The following FBN1 variants were observed in gnomAD, a reference collection of about 807,000 sequenced individuals.
FBN1 encodes the protein fibrillin 1.
In FBN1, 29 loss-of-function variants were observed where a neutral mutation model predicts 365.1. The ratio of observed to expected loss-of-function variants is 0.08; its 90% CI spans 0.06 to 0.11. The LOEUF is 0.11. Among genes scored for constraint, FBN1 ranks in the 10% least tolerant of loss-of-function variants. The pLI, the probability that FBN1 is intolerant of heterozygous loss-of-function variation, is 1.00. For synonymous variants in FBN1, 1,210 were observed against 1,270.5 expected (o/e 0.95, Z 1.01); for missense variants, 2,476 against 3,703.2 (o/e 0.67, Z 8.60).
chr15:48,484,173 C>A (rs574279869), intron 30 of FBN1, among the ~76,000 whole-genome samples: 1 of 152,214 alleles, frequency 6.6e-6, no homozygotes, highest in South Asian at 2.1e-4. Flanking sequence ...ACGTCCACAC[C>A]TGCTTAAAAG....
chr15:48,529,418 T>C (rs2043947778), intron 8 of FBN1: 1 of 152,334 alleles, frequency 6.6e-6, no homozygotes, highest in African/African-American at 2.4e-5. Flanking sequence ...ATTCTTCCCA[T>C]GCCTAAGCCC....
chr15:48,474,630 C>T lies in FBN1; in HGVS notation c.3985G>A (p.Gly1329Arg). ...GCATGTTTGCCACAGTTGTGTGCTC[C>T]AATTTCACATTCATTGATGTCTGGA... ...GCTDINECEI[G>R]AHNCGKHAVC... The change falls in exon 33 of 66, where the codon GGA becomes AGA. Residue 1329 changes from glycine to arginine, a missense_variant. Transcript: ENST00000316623. The T allele has an allele frequency of 1.9e-6, 3 of 1,614,112 alleles. No homozygotes were observed. In the East Asian group the frequency reaches 6.7e-5, roughly 36 times the overall value.
At chr15:48,586,674 C>T (rs1294430061) in intron 6 of FBN1, among the ~76,000 whole-genome samples, 1 of 152,114 alleles carries the variant, frequency 6.6e-6, no homozygotes, top group Admixed American at 6.6e-5. Flanking sequence ...AATTTATGGT[C>T]AAATGAATCC....
intron 13 of FBN1, 110 bp downstream of exon 13, chr15:48,513,439 T>TA: frequency 2.0e-6 from 3 of 1,481,292 alleles, no homozygotes; most frequent in South Asian, 2.3e-5. Context: ...GCCACGGGAC[T>TA]GTATTAGTCT....
rs1301114988 is a variant in FBN1, at chr15:48,625,147, A to G, written c.165-12055T>C. 3.9e-5 allele frequency among the ~76,000 whole-genome samples: 6 copies of G among 152,220 alleles called. No homozygotes were observed. The East Asian group carries it at 9.6e-4, about 24-fold the overall frequency. ...CCAATTGACAAACAGGTAGAGCTCCAAAATTTCATTTCTATATTAGTATTT... is the reference window on the plus strand; with the variant it reads ...CCAATTGACAAACAGGTAGAGCTCCGAAATTTCATTTCTATATTAGTATTT... On this transcript the variant is annotated intron_variant, in intron 2 of 65. Coordinates refer to ENST00000316623, the MANE Select transcript of FBN1 (RefSeq NM_000138.5).
intron 2 of FBN1, among the ~76,000 whole-genome samples, chr15:48,630,106 C>T (rs573798805): frequency 2.0e-5 from 3 of 152,332 alleles, no homozygotes; most frequent in East Asian, 3.9e-4. Flanking sequence ...AAACAATTAA[C>T]ATGTCGGTCC....
intron 45 of FBN1, among the ~76,000 whole-genome samples, chr15:48,452,188 T>C (rs1265343022): frequency 6.6e-6 from 1 of 152,164 alleles, no homozygotes; most frequent in Non-Finnish European, 1.5e-5. Context: ...AGGGATTCTG[T>C]GGAAGGAAAA....
intron 36 of FBN1, among the ~76,000 whole-genome samples, chr15:48,469,353 G>A (rs763634839): frequency 1.1e-4 from 16 of 151,942 alleles, no homozygotes; most frequent in South Asian, 2.1e-4. Flanking sequence ...TGACACACAC[G>A]CGTGAGGCTT....
At chr15:48,486,021 C>G (rs2043503758) in intron 29 of FBN1, among the ~76,000 whole-genome samples, 1 of 152,162 alleles carries the variant, frequency 6.6e-6, no homozygotes, top group Admixed American at 6.5e-5. Context: ...AGATGAGACT[C>G]TAATAGTGAA....
intron 4 of FBN1, 72 bp from the exon 5 acceptor site, chr15:48,600,306 T>G: frequency 9.4e-7 from 1 of 1,063,044 alleles, no homozygotes; most frequent in Non-Finnish European, 1.5e-6. Context: ...CAGGAGTTGA[T>G]TTGTAGTTAT....
intron 7 of FBN1, among the ~76,000 whole-genome samples, chr15:48,537,178 G>A (rs768480112): frequency 1.8e-4 from 28 of 152,142 alleles, no homozygotes; most frequent in Non-Finnish European, 2.8e-4. Flanking sequence ...GCAAAATGTC[G>A]AGAGAAACAA....
chr15:48,599,898 G>A (rs1476038647), intron 5 of FBN1, among the ~76,000 whole-genome samples: 1 of 152,190 alleles, frequency 6.6e-6, no homozygotes, highest in East Asian at 1.9e-4. Flanking sequence ...AGGCAAGCAA[G>A]GTGGTGAAGG....
At chr15:48,447,695 G>A (rs550457870) in intron 46 of FBN1, among the ~76,000 whole-genome samples, 15 of 152,046 alleles carry the variant, frequency 9.9e-5, no homozygotes, top group East Asian at 1.9e-4. Flanking sequence ...AGGTAACAAC[G>A]GAGAATAGCA....
At chr15:48,462,994 T>C in intron 42 of FBN1, 88 bp downstream of exon 42, 1 of 1,331,576 alleles carries the variant, frequency 7.5e-7, no homozygotes, top group East Asian at 2.3e-5. Context: ...AATGCACACT[T>C]TGCTTCCTTC....
intron 8 of FBN1, among the ~76,000 whole-genome samples, chr15:48,527,437 C>G (rs1049487054): frequency 3.9e-5 from 6 of 152,222 alleles, no homozygotes; most frequent in African/African-American, 1.4e-4. Context: ...ATGGCCTCCT[C>G]TCTGAGACCA....
At chr15:48,615,927 T>C (rs1889642705) in intron 2 of FBN1, among the ~76,000 whole-genome samples, 1 of 152,194 alleles carries the variant, frequency 6.6e-6, no homozygotes, top group African/African-American at 2.4e-5. Flanking sequence ...CCTTAAGAGA[T>C]GAGAACCCGG....
chr15:48,423,069 C>T (rs991985560), intron 60 of FBN1, among the ~76,000 whole-genome samples: 14 of 152,220 alleles, frequency 9.2e-5, no homozygotes, highest in Non-Finnish European at 1.3e-4. Flanking sequence ...CTTTTCTCAA[C>T]GCCTCAACTT....
At chr15:48,482,855 C>G (rs1458145580) in intron 31 of FBN1, among the ~76,000 whole-genome samples, 1 of 152,174 alleles carries the variant, frequency 6.6e-6, no homozygotes, top group African/African-American at 2.4e-5. Context: ...ACCAGCCTGA[C>G]TGGAAAGCCT....
intron 8 of FBN1, among the ~76,000 whole-genome samples, chr15:48,532,713 T>C (rs2043984175): frequency 1.3e-5 from 2 of 152,146 alleles, no homozygotes; most frequent in African/African-American, 4.8e-5. Context: ...AGTGTGGAAA[T>C]AGCTGAGTTC....
Sources: allele counts gnomAD v4.1 joint callset (sites outside exome capture counted in the v4.1 genomes callset), GRCh38; gene constraint gnomAD v4.1.1; transcripts MANE v1.5; gene names NCBI Gene and HGNC (gene_info 2026-07-23, HGNC 2026-07-21).